CDKL5: variants seen among roughly 807,000 people sequenced by gnomAD.
CDKL5 encodes cyclin dependent kinase like 5.
Under a neutral mutation model 61.7 loss-of-function variants are expected in CDKL5, and 8 were observed. The observed-to-expected ratio is 0.13, with a 90% CI of 0.08 to 0.23. CDKL5 has a LOEUF of 0.23. CDKL5 is among the 10% of genes least tolerant of loss of function. CDKL5 has a pLI of 1.00. For missense variants in CDKL5, 440 were observed against 734.5 expected (o/e 0.60, Z 4.63); for synonymous variants, 275 against 272.3 (o/e 1.01, Z -0.10).
At chrX:18,450,070 G>A (rs1480743959) in intron 1 of CDKL5, among the ~76,000 whole-genome samples, 1 of 112,473 alleles carries the variant, frequency 8.9e-6, no homozygotes, top group East Asian at 2.8e-4. Context: ...TGGGATTACA[G>A]GCATGAGCCA....
At chrX:18,559,810 AG>A (rs2147128969) in intron 3 of CDKL5, among the ~76,000 whole-genome samples, 1 of 71,069 alleles carries the variant, frequency 1.4e-5, no homozygotes, top group Admixed American at 2.2e-4. Context: ...CAGTCCCCAG[AG>A]TGTGATGTTC....
intron 1 of CDKL5, among the ~76,000 whole-genome samples, chrX:18,461,436 G>T (rs1932285309): frequency 8.9e-6 from 1 of 112,167 alleles, no homozygotes; most frequent in Non-Finnish European, 1.9e-5. Flanking sequence ...TCTGAAAATA[G>T]TATAGACCTA....
chrX:18,501,391 C>G (rs1373510702), intron 1 of CDKL5, among the ~76,000 whole-genome samples: 2 of 109,738 alleles, frequency 1.8e-5, no homozygotes, highest in Non-Finnish European at 3.8e-5. Flanking sequence ...CCAGGCTGGT[C>G]TCGAGCTCCT....
intron 8 of CDKL5, 53 bp downstream of exon 8, chrX:18,584,406 G>A: frequency 1.2e-6 from 1 of 806,601 alleles, no homozygotes; most frequent in Non-Finnish European, 1.9e-6. Context: ...TGATTCTATT[G>A]TCATTTGCTT....
chrX:18,500,593 T>C (rs1922346996), intron 1 of CDKL5, among the ~76,000 whole-genome samples: 3 of 111,851 alleles, frequency 2.7e-5, no homozygotes, highest in Non-Finnish European at 5.6e-5. Context: ...AAGATGTTTC[T>C]GAAAAGTATT....
intron 20 of CDKL5, among the ~76,000 whole-genome samples, chrX:18,649,404 A>G (rs867344868): frequency 9.0e-6 from 1 of 111,666 alleles, no homozygotes; most frequent in Non-Finnish European, 1.9e-5. Flanking sequence ...GGCAAATCAT[A>G]GTATTTTCTC....
intron 1 of CDKL5, among the ~76,000 whole-genome samples, chrX:18,452,178 CAAGGGGAA>C (rs1932034596): frequency 9.0e-6 from 1 of 111,335 alleles, no homozygotes; most frequent in Non-Finnish European, 1.9e-5. Flanking sequence ...GGCTCAGACT[CAAGGGGAA>C]AACTTTAGGT....
intron 6 of CDKL5, 103 bp downstream of exon 6, chrX:18,580,071 T>C (rs1215036859): frequency 5.6e-6 from 4 of 711,065 alleles, no homozygotes; most frequent in Non-Finnish European, 6.5e-6. Flanking sequence ...AGCATTGGCA[T>C]TGCCATTTAA....
intron 15 of CDKL5, among the ~76,000 whole-genome samples, chrX:18,614,550 G>A (rs1926659753): frequency 8.9e-6 from 1 of 112,026 alleles, no homozygotes; most frequent in Non-Finnish European, 1.9e-5. Context: ...TGCATTAAAA[G>A]CACCTAGAAT....
At position 18,628,441 on chromosome X, in the gene CDKL5, A is replaced by T. The variant is rs770426025; in HGVS notation, c.2567A>T (p.Asp856Val). 24 of 1,210,017 alleles carry T rather than the reference A, an allele frequency of 2.0e-5. No homozygotes were observed. The highest frequency in any genetic ancestry group is 2.6e-5 in the Non-Finnish European group (23 of 895,024). The change falls in exon 18 of 18, where the codon GAT (aspartate) becomes GTT (valine). Residue 856 changes from aspartate (D) to valine (V), a missense_variant. By Grantham distance (152) the Asp-to-Val change is radical (BLOSUM62 -3). Around this residue, in one of 2 missense-constraint regions of CDKL5, gnomAD observed 363 missense variants for 516.3 expected, o/e 0.70. Coordinates refer to ENST00000623535, the MANE Select transcript of CDKL5 (RefSeq NM_001323289.2). ...GCCTCAAATCACCCGGCTTCCTCAG[A>T]TCCCCGCTTCCAGCCCTTAACAGCT... is the stretch of plus-strand genomic sequence containing the variant. ...SSASNHPASS[D>V]PRFQPLTAQQ...
intron 3 of CDKL5, among the ~76,000 whole-genome samples, chrX:18,540,335 C>T (rs1664631625): frequency 1.8e-5 from 2 of 110,787 alleles, no homozygotes; most frequent in Admixed American, 1.9e-4. Context: ...CACCACCACA[C>T]CTGACTAATT....
chrX:18,441,344 G>A (rs1238895199), intron 1 of CDKL5, among the ~76,000 whole-genome samples: 3 of 110,801 alleles, frequency 2.7e-5, no homozygotes, highest in Non-Finnish European at 5.7e-5. Flanking sequence ...GAGCCCAGGA[G>A]GTCGAGGCTG....
At chrX:18,578,690 G>T (rs1317595479) in intron 5 of CDKL5, among the ~76,000 whole-genome samples, 2 of 111,961 alleles carry the variant, frequency 1.8e-5, no homozygotes, top group Non-Finnish European at 3.8e-5. Flanking sequence ...CATTCAGCTT[G>T]CATCTCAATC....
At chrX:18,605,425 G>A (rs1356898853) in intron 12 of CDKL5, among the ~76,000 whole-genome samples, 1 of 111,601 alleles carries the variant, frequency 9.0e-6, no homozygotes, top group Non-Finnish European at 1.9e-5. Context: ...AGCATTTTTA[G>A]CATAATGCTT....
At chrX:18,442,651 G>A (rs1302272794) in intron 1 of CDKL5, among the ~76,000 whole-genome samples, 1 of 110,544 alleles carries the variant, frequency 9.0e-6, no homozygotes, top group Non-Finnish European at 1.9e-5. Context: ...CCGCCTCCAC[G>A]CCCGGCTACT....
intron 15 of CDKL5, among the ~76,000 whole-genome samples, chrX:18,618,823 T>C (rs193252121): frequency 9.1e-6 from 1 of 110,361 alleles, no homozygotes; most frequent in Non-Finnish European, 1.9e-5. Context: ...AAAAAAATTA[T>C]CCAGGCCTGG....
chrX:18,473,929 T>C (rs1275023837), intron 1 of CDKL5, among the ~76,000 whole-genome samples: 1 of 106,269 alleles, frequency 9.4e-6, no homozygotes, highest in Non-Finnish European at 1.9e-5. Context: ...GGAGTTTTGC[T>C]CTTGTCACAG....
chrX:18,468,015 T>A (rs1236085039), intron 1 of CDKL5, among the ~76,000 whole-genome samples: 1 of 112,046 alleles, frequency 8.9e-6, no homozygotes, highest in East Asian at 2.8e-4. Context: ...AAAAAATAAT[T>A]TTAGTATCTT....
chrX:18,612,396 G>A (rs755951313), intron 14 of CDKL5, among the ~76,000 whole-genome samples: 55 of 111,285 alleles, frequency 4.9e-4, no homozygotes, highest in Non-Finnish European at 8.5e-4. Flanking sequence ...GGCCGGGCGC[G>A]GTGGTTCATG....
Sources: allele counts gnomAD v4.1 joint callset (sites outside exome capture counted in the v4.1 genomes callset), GRCh38; gene constraint gnomAD v4.1.1; regional missense constraint gnomAD v4.1.1; transcripts MANE v1.5; gene names NCBI Gene and HGNC (gene_info 2026-07-23, HGNC 2026-07-21).